The following RB1 variants were observed in gnomAD, a reference collection of about 807,000 sequenced individuals.
RB1 encodes the protein RB transcriptional corepressor 1, also known as retinoblastoma-associated protein.
In RB1, 18 loss-of-function variants were observed where a neutral mutation model predicts 135.4. The observed-to-expected ratio is 0.13, with a 90% CI of 0.09 to 0.20. The LOEUF (loss-of-function observed/expected upper bound fraction) is 0.20. Among genes scored for constraint, RB1 ranks in the 10% least tolerant of loss-of-function variants. RB1 has a pLI of 1.00. For missense variants in RB1, 868 were observed against 1,110.0 expected (o/e 0.78, Z 3.10); for synonymous variants, 365 against 373.2 (o/e 0.98, Z 0.25).
intron 2 of RB1, among the ~76,000 whole-genome samples, chr13:48,324,188 T>A (rs752482276): frequency 2.6e-5 from 4 of 152,148 alleles, no homozygotes; most frequent in Admixed American, 1.3e-4. Flanking sequence ...GCTTTTATCA[T>A]TTATTTGTGT....
intron 2 of RB1, among the ~76,000 whole-genome samples, chr13:48,336,987 C>A (rs1465249842): frequency 6.6e-6 from 1 of 152,132 alleles, no homozygotes; most frequent in African/African-American, 2.4e-5. Flanking sequence ...TGTAGTTATG[C>A]GGTTTTGAGT....
intron 17 of RB1, among the ~76,000 whole-genome samples, chr13:48,396,055 A>C: frequency 6.6e-6 from 1 of 152,228 alleles, no homozygotes; most frequent in Admixed American, 6.5e-5. Context: ...TTATAGCGTG[A>C]AAATGGCCAT....
At chr13:48,467,350 G>A (rs200209729) in intron 23 of RB1, among the ~76,000 whole-genome samples, 222 of 72,230 alleles carry the variant, frequency 3.1e-3, no homozygotes, top group Admixed American at 5.0e-3. Context: ...TTACAGACAA[G>A]CAAATGCTGA....
chr13:48,463,417 G>A (rs939234308), intron 20 of RB1, among the ~76,000 whole-genome samples: 4 of 152,164 alleles, frequency 2.6e-5, no homozygotes, highest in African/African-American at 9.7e-5. Context: ...TAAAGTGCTA[G>A]TTATACAAAA....
chr13:48,338,848 G>C, intron 2 of RB1, among the ~76,000 whole-genome samples: 1 of 152,040 alleles, frequency 6.6e-6, no homozygotes, highest in East Asian at 1.9e-4. Flanking sequence ...CGTACAGATG[G>C]GGGTATGGTG....
At chr13:48,351,403 A>G (rs1952546128) in intron 6 of RB1, among the ~76,000 whole-genome samples, 1 of 151,754 alleles carries the variant, frequency 6.6e-6, no homozygotes, top group South Asian at 2.1e-4. Flanking sequence ...GTGTCTGTTC[A>G]TGTGCCTTGC....
chr13:48,349,403 G>A (rs1048624016), intron 6 of RB1, among the ~76,000 whole-genome samples: 1 of 151,822 alleles, frequency 6.6e-6, no homozygotes, highest in Non-Finnish European at 1.5e-5. Context: ...TAATTGGGAT[G>A]CAGTTAAGGT....
chr13:48,367,767 A>G (rs1407187355), intron 10 of RB1, among the ~76,000 whole-genome samples, 164 bp downstream of exon 10: 1 of 152,186 alleles, frequency 6.6e-6, no homozygotes, highest in Non-Finnish European at 1.5e-5. Context: ...TTAAGCATAT[A>G]ACTTATCTAC....
intron 17 of RB1, among the ~76,000 whole-genome samples, chr13:48,409,777 C>A (rs1429006879): frequency 6.6e-6 from 1 of 151,730 alleles, no homozygotes; most frequent in Non-Finnish European, 1.5e-5. Flanking sequence ...GACGGGGTTT[C>A]ACCATGTTGG....
At chr13:48,360,366 A>C (rs1952628404) in intron 7 of RB1, 1 of 759,022 alleles carries the variant, frequency 1.3e-6, no homozygotes, top group Non-Finnish European at 1.9e-6. Context: ...TTGGGAGACA[A>C]GAAAGTTTTT....
intron 12 of RB1, among the ~76,000 whole-genome samples, chr13:48,375,590 AT>A (rs1172962742): frequency 1.3e-5 from 2 of 150,802 alleles, no homozygotes; most frequent in Non-Finnish European, 3.0e-5. Context: ...ATATATATAT[AT>A]TTTTGAGACA....
At chr13:48,356,709 C>G (rs985066766) in intron 6 of RB1, among the ~76,000 whole-genome samples, 3 of 151,968 alleles carry the variant, frequency 2.0e-5, no homozygotes, top group Admixed American at 6.6e-5. Flanking sequence ...TAAATGGATT[C>G]TAAGGTTATC....
chr13:48,322,867 A>C (rs1418069460), intron 2 of RB1, among the ~76,000 whole-genome samples: 1 of 152,020 alleles, frequency 6.6e-6, no homozygotes, highest in Non-Finnish European at 1.5e-5. Context: ...AATAAGTCCC[A>C]CTTGGTCACA....
chr13:48,473,333 A>G lies in RB1; in HGVS notation c.2490-27A>G, dbSNP rs2138354491. 3 of 1,542,440 alleles carry G rather than the reference A, an allele frequency of 1.9e-6. No individual in the cohort carries two copies. The South Asian group carries it at 3.4e-5, about 17-fold the overall frequency. ...AAATTGTATATGGTTTTTTATTACT[A>G]ATTGGTATTTCATCTTAACTTGACA... is the stretch of plus-strand genomic sequence containing the variant. On this transcript the variant is annotated intron_variant, in intron 23 of 26. Transcript: ENST00000267163.
intron 17 of RB1, among the ~76,000 whole-genome samples, chr13:48,414,896 G>A (rs1211118200): frequency 1.3e-5 from 2 of 152,092 alleles, no homozygotes; most frequent in East Asian, 3.8e-4. Context: ...TTAGAAGGCT[G>A]GTAGAAGCTG....
intron 17 of RB1, among the ~76,000 whole-genome samples, chr13:48,419,394 G>C (rs969581118): frequency 3.3e-5 from 5 of 152,192 alleles, no homozygotes; most frequent in African/African-American, 1.2e-4. Context: ...GCAATGTTTA[G>C]AGGGAAGTTT....
At chr13:48,393,722 G>T (rs1948627586) in intron 17 of RB1, among the ~76,000 whole-genome samples, 1 of 152,144 alleles carries the variant, frequency 6.6e-6, no homozygotes. Context: ...TTTCAGAGGG[G>T]TGCTTACTAT....
chr13:48,455,438 G>T (rs950702360), intron 18 of RB1, among the ~76,000 whole-genome samples: 3 of 152,190 alleles, frequency 2.0e-5, no homozygotes, highest in Non-Finnish European at 4.4e-5. Context: ...ACCAGACACT[G>T]GTCCTTCTAA....
At position 48,342,668 on chromosome 13, in the gene RB1, G is replaced by A. The variant is rs1199831823; in HGVS notation, c.334G>A (p.Glu112Lys). 2 of 1,612,748 alleles carry A rather than the reference G, an allele frequency of 1.2e-6. No homozygotes were observed. Among genetic ancestry groups the A allele is most frequent in the African/African-American group, 2.7e-5 (2 of 75,028 alleles). The change falls in exon 3 of 27, where the codon GAG becomes AAG. Residue 112 changes from glutamate to lysine, a missense_variant. Coordinates refer to ENST00000267163, the MANE Select transcript of RB1 (RefSeq NM_000321.3). ...CIFIAAVDLDEMSFTFTELQK... is the reference protein window; with the variant it reads ...CIFIAAVDLDKMSFTFTELQK... ...CTTTATTGCAGCAGTTGACCTAGAT[G>A]AGATGTCGTTCACTTTTACTGAGCT... is the stretch of plus-strand genomic sequence containing the variant.
Sources: allele counts gnomAD v4.1 joint callset (sites outside exome capture counted in the v4.1 genomes callset), GRCh38; gene constraint gnomAD v4.1.1; transcripts MANE v1.5; gene names NCBI Gene and HGNC (gene_info 2026-07-23, HGNC 2026-07-21).